The following KLF8 variants were observed in gnomAD, a reference collection of about 807,000 sequenced individuals.
KLF8 encodes Krueppel-like factor 8.
A neutral mutation model predicts 18.2 loss-of-function variants in KLF8; 10 were observed. The observed-to-expected ratio is 0.55, with a 90% CI of 0.34 to 0.93. The LOEUF (loss-of-function observed/expected upper bound fraction) is 0.93. KLF8 is among the 40% of genes least tolerant of loss of function. KLF8 has a pLI of 0.02. For synonymous variants in KLF8, 109 were observed against 97.3 expected (o/e 1.12, Z -0.71); for missense variants, 264 against 277.9 (o/e 0.95, Z 0.36).
At chrX:56,166,855 G>A in the KLF8 span, among the ~76,000 whole-genome samples, 2 of 111,386 alleles carry the variant, frequency 1.8e-5, no homozygotes, top group Admixed American at 1.9e-4. Context: ...TACTATAGAG[G>A]TGCTCCAGAT....
the KLF8 span, among the ~76,000 whole-genome samples, chrX:55,988,312 T>C: frequency 2.7e-5 from 3 of 111,321 alleles, no homozygotes; most frequent in South Asian, 1.1e-3. Context: ...CTAGGTTTTC[T>C]TCTAGGGTTT....
the KLF8 span, among the ~76,000 whole-genome samples, chrX:56,088,981 C>T: frequency 9.0e-6 from 1 of 111,381 alleles, no homozygotes; most frequent in East Asian, 2.8e-4. Context: ...AAAAAAGTGC[C>T]TTTTCAAGCC....
the KLF8 span, among the ~76,000 whole-genome samples, chrX:55,967,612 A>G: frequency 1.9e-4 from 21 of 112,036 alleles, no homozygotes; most frequent in Admixed American, 2.0e-3. Context: ...GAAATGATAG[A>G]GAGAATTCTG....
chrX:55,965,949 G>GC, the KLF8 span, among the ~76,000 whole-genome samples: 2 of 111,839 alleles, frequency 1.8e-5, no homozygotes, highest in Non-Finnish European at 3.8e-5. Context: ...TTCACCACAA[G>GC]CTGATTGAAG....
chrX:56,106,800 T>G, the KLF8 span, among the ~76,000 whole-genome samples: 2 of 112,311 alleles, frequency 1.8e-5, no homozygotes, highest in African/African-American at 6.5e-5. Flanking sequence ...GGTGCTCTGA[T>G]TTTTAGAATT....
At chrX:56,160,415 C>T in the KLF8 span, among the ~76,000 whole-genome samples, 1 of 111,355 alleles carries the variant, frequency 9.0e-6, no homozygotes, top group Admixed American at 9.6e-5. Context: ...CCGCTTGGTG[C>T]AGAACTGAAT....
chrX:56,000,231 G>A, the KLF8 span, among the ~76,000 whole-genome samples: 1 of 110,610 alleles, frequency 9.0e-6, no homozygotes, highest in African/African-American at 3.3e-5. Flanking sequence ...ATGTGATACT[G>A]GATTTGGTTT....
At chrX:56,143,664 T>C in the KLF8 span, among the ~76,000 whole-genome samples, 1 of 111,740 alleles carries the variant, frequency 8.9e-6, no homozygotes, top group Non-Finnish European at 1.9e-5. Context: ...ATTCTTTACT[T>C]CCTCCCATTT....
the KLF8 span, among the ~76,000 whole-genome samples, chrX:56,049,692 C>A: frequency 1.9e-5 from 2 of 106,834 alleles, no homozygotes; most frequent in African/African-American, 7.0e-5. Context: ...AGGATTTTTG[C>A]ATCAATGTTC....
the KLF8 span, among the ~76,000 whole-genome samples, chrX:55,987,173 T>C: frequency 1.6e-5 from 1 of 64,076 alleles, no homozygotes; most frequent in Non-Finnish European, 3.7e-5. Flanking sequence ...TAGTTCTGTT[T>C]GAAGTTTCTT....
At chrX:56,023,971 T>C in the KLF8 span, among the ~76,000 whole-genome samples, 1 of 111,713 alleles carries the variant, frequency 9.0e-6, no homozygotes, top group Non-Finnish European at 1.9e-5. Flanking sequence ...TTTATACAAC[T>C]GTATGAGAAT....
chrX:56,184,373 C>G, the KLF8 span, among the ~76,000 whole-genome samples: 1 of 112,506 alleles, frequency 8.9e-6, no homozygotes, highest in Non-Finnish European at 1.9e-5. Flanking sequence ...AGCCAGGAAG[C>G]TCGAACTGGG....
chrX:56,040,753 T>G, the KLF8 span, among the ~76,000 whole-genome samples: 2 of 102,354 alleles, frequency 2.0e-5, no homozygotes, highest in South Asian at 9.8e-4. Flanking sequence ...AGGGAGGAGT[T>G]CCTCCTTTTC....
intron 2 of KLF8, among the ~76,000 whole-genome samples, chrX:56,263,061 G>A (rs1447741875): frequency 8.9e-6 from 1 of 112,167 alleles, no homozygotes; most frequent in African/African-American, 3.2e-5. Flanking sequence ...TGGGAATGGA[G>A]CTACTCAAGT....
At chrX:56,010,501 C>CA in the KLF8 span, among the ~76,000 whole-genome samples, 1 of 111,885 alleles carries the variant, frequency 8.9e-6, no homozygotes, top group Non-Finnish European at 1.9e-5. Context: ...CCAGCCACTA[C>CA]AAAAACACAA....
the KLF8 span, among the ~76,000 whole-genome samples, chrX:56,099,830 G>A: frequency 8.9e-6 from 1 of 111,838 alleles, no homozygotes; most frequent in Admixed American, 9.5e-5. Context: ...CAGAATGATG[G>A]TTCTTGAGGT....
chrX:55,955,907 G>A, the KLF8 span, among the ~76,000 whole-genome samples: 1 of 111,278 alleles, frequency 9.0e-6, no homozygotes, highest in African/African-American at 3.3e-5. Flanking sequence ...ATATTTAAAA[G>A]TCAAGAAATT....
chrX:56,143,017 C>T, the KLF8 span, among the ~76,000 whole-genome samples: 7 of 111,729 alleles, frequency 6.3e-5, no homozygotes, highest in South Asian at 3.7e-4. Flanking sequence ...TCTTTGTAAC[C>T]TTTTAATTGC....
chrX:55,931,923 G>T, the KLF8 span, among the ~76,000 whole-genome samples: 1 of 109,992 alleles, frequency 9.1e-6, no homozygotes, highest in Non-Finnish European at 1.9e-5. Context: ...GAATAGCCTT[G>T]GTAATTTTCT....
Sources: gnomAD v4.1 joint callset for allele counts (sites outside exome capture counted in the v4.1 genomes callset) on GRCh38, gnomAD v4.1.1 for gene constraint, MANE v1.5 for transcripts, NCBI Gene and HGNC (gene_info 2026-07-23, HGNC 2026-07-21) for gene names.